C5AR2: variants seen among roughly 807,000 people sequenced by gnomAD.
C5AR2 encodes the protein C5a anaphylatoxin chemotactic receptor 2.
For missense variants in C5AR2, 458 were observed against 467.5 expected (o/e 0.98, Z 0.19); for synonymous variants, 224 against 216.5 (o/e 1.03, Z -0.30).
In C5AR2 at chr19:47,341,064, A is replaced by G. The variant is rs1969011415; in HGVS notation, c.265A>G (p.Ile89Val). Residue 89 changes from isoleucine (I) to valine (V), a missense_variant, in exon 2 of 2, where the codon ATC becomes GTC. Transcript: ENST00000595464. This position sits in a 1 kb window ranked among gnomAD's most constrained non-coding sequence, Gnocchi z 4.6. ...TTTGCTGTGCTGTTTGTCTCTGCCC[A>G]TCCTGGCAGTGCCCATTGCCCGTGG... is the stretch of plus-strand genomic sequence containing the variant. ...ADLLCCLSLP[I>V]LAVPIARGGH... 2 of 1,606,114 alleles carry G rather than the reference A, an allele frequency of 1.2e-6. No homozygotes were observed. The highest frequency in any genetic ancestry group is 1.7e-6 in the Non-Finnish European group (2 of 1,179,922).
Position 47,333,065 on chromosome 19 carries a change from T to A in C5AR2, c.-16+716T>A, listed in dbSNP as rs915395046. The stretch of plus-strand genomic sequence containing the variant: ...TGTCTCCCAGGCTGGAGTGCAGTGG[T>A]GCGATCTTGGCTCACTGCAACCTCC... On this transcript the variant is annotated intron_variant, in intron 1 of 1. Transcript: ENST00000595464. Among the ~76,000 whole-genome samples, 5 of 152,094 alleles carry A rather than the reference T, an allele frequency of 3.3e-5. 1 individual carries two copies. The highest frequency in any genetic ancestry group is 4.8e-5 in the African/African-American group (2 of 41,424).
chr19:47,340,111 T>C (rs2059376559), intron 1 of C5AR2, among the ~76,000 whole-genome samples: 1 of 151,852 alleles, frequency 6.6e-6, no homozygotes. Flanking sequence ...CGCATGACCA[T>C]GCCTGGCTAT....
At chr19:47,334,258 TAAG>T (rs1406851140) in intron 1 of C5AR2, among the ~76,000 whole-genome samples, 1 of 152,040 alleles carries the variant, frequency 6.6e-6, no homozygotes, top group African/African-American at 2.4e-5. Flanking sequence ...TATGAAATAA[TAAG>T]AAGGGTACCT....
At position 47,340,896 on chromosome 19, in the gene C5AR2, C is replaced by T. The variant is rs763959311; in HGVS notation, c.97C>T (p.Pro33Ser). 1 of 1,613,214 alleles carries T rather than the reference C, an allele frequency of 6.2e-7. No homozygotes were observed. Among genetic ancestry groups the T allele is most frequent in the East Asian group, 2.2e-5 (1 of 44,866 alleles). The stretch of plus-strand genomic sequence containing the variant: ...GGATGGCGCCTGCCTGGCCATCGAC[C>T]CGCTGCGCGTGGCCCCGCTCCCACT... The part of the protein sequence containing the change: ...CLDGACLAID[P>S]LRVAPLPLYA... The change falls in exon 2 of 2, where the codon CCG (proline) becomes TCG (serine). Residue 33 changes from proline (P) to serine (S), a missense_variant. Pro to Ser is a moderately conservative substitution (Grantham distance 74, BLOSUM62 -1). Transcript: ENST00000595464.
Position 47,341,109 on chromosome 19 carries a change from G to C in C5AR2, c.310G>C (p.Ala104Pro), listed in dbSNP as rs1361792772. The change falls in exon 2 of 2, where the codon GCA (alanine) becomes CCA (proline). Residue 104 changes from alanine (A) to proline (P), a missense_variant. Coordinates refer to ENST00000595464, the MANE Select transcript of C5AR2 (RefSeq NM_001271749.2). This position sits in a 1 kb window ranked among gnomAD's most constrained non-coding sequence, Gnocchi z 4.6. ...CCGTGGAGGCCACTGGCCGTATGGT[G>C]CAGTGGGCTGTCGGGCGCTGCCCTC... is the stretch of plus-strand genomic sequence containing the variant. Reference protein sequence around the residue: ...IARGGHWPYGAVGCRALPSII... With the variant: ...IARGGHWPYGPVGCRALPSII... 3 of 1,603,970 alleles carry C rather than the reference G, an allele frequency of 1.9e-6. No individual in the cohort carries two copies. The highest frequency in any genetic ancestry group is 2.5e-6 in the Non-Finnish European group (3 of 1,179,874).
At chr19:47,332,934 A>G (rs577030459) in intron 1 of C5AR2, among the ~76,000 whole-genome samples, 5 of 152,262 alleles carry the variant, frequency 3.3e-5, no homozygotes, top group African/African-American at 1.2e-4. Flanking sequence ...CGGCAGATCC[A>G]CCAAACTGTA....
Position 47,340,882 on chromosome 19 carries a change from G to A in C5AR2, c.83G>A (p.Cys28Tyr), listed in dbSNP as rs747497989. 2 of 1,613,414 alleles carry A rather than the reference G, an allele frequency of 1.2e-6. No individual in the cohort carries two copies. Among genetic ancestry groups the A allele is most frequent in the South Asian group, 1.1e-5 (1 of 91,086 alleles). The change falls in exon 2 of 2, where the codon TGC becomes TAC. Residue 28 changes from cysteine (C) to tyrosine (Y), a missense_variant. Physicochemically the swap from Cys to Tyr is radical, Grantham distance 194 (BLOSUM62 -2). Transcript: ENST00000595464. ...DRPVDCLDGA[C>Y]LAIDPLRVAP... The stretch of plus-strand genomic sequence containing the variant: ...CCTGTGGACTGCCTGGATGGCGCCT[G>A]CCTGGCCATCGACCCGCTGCGCGTG...
At chr19:47,335,753 CAG>C (rs1310163232) in intron 1 of C5AR2, among the ~76,000 whole-genome samples, 1 of 96,698 alleles carries the variant, frequency 1.0e-5, no homozygotes, top group Admixed American at 1.7e-4. Context: ...GCCTGGGCGA[CAG>C]AGTGATACTC....
chr19:47,336,484 CCTTCCTTTCTTTCTTT>C (rs2059358848), intron 1 of C5AR2, among the ~76,000 whole-genome samples: 2 of 27,470 alleles, frequency 7.3e-5, no homozygotes, highest in East Asian at 2.0e-3. Flanking sequence ...TTCCTTCCTT[CCTTCCTTTCTTTCTTT>C]CTTTCTTTCT....
In C5AR2 at chr19:47,345,358, C is replaced by CCT. The variant is rs1196225220; in HGVS notation, c.*3545_*3546insCT. ...GCTCAGTCAGAAAGCACTGGTATCA[C>CCT]TTTTTTTTTTTTTTTTTTTTTTTGA... is the stretch of plus-strand genomic sequence containing the variant. On this transcript the variant is annotated 3_prime_UTR_variant, in exon 2 of 2. Transcript: ENST00000595464. The CCT allele has an allele frequency of 2.3e-4, 26 of 111,088 alleles. No homozygotes were observed. The highest frequency in any genetic ancestry group is 9.7e-4 in the African/African-American group (26 of 26,792). The allele number at this position is 111,088 out of a possible 1,614,324, so 6.9% of individuals were successfully genotyped here.
intron 1 of C5AR2, among the ~76,000 whole-genome samples, chr19:47,335,467 A>C (rs529012457): frequency 2.0e-5 from 3 of 151,956 alleles, no homozygotes; most frequent in South Asian, 4.2e-4. Context: ...GGCAAATTAT[A>C]TGCACAGAAA....
At chr19:47,334,469 A>AAG (rs2059350045) in intron 1 of C5AR2, among the ~76,000 whole-genome samples, 1 of 128 alleles carries the variant, frequency 7.8e-3, no homozygotes, top group African/African-American at 0.056. Flanking sequence ...GTCCATACAG[A>AAG]AAAAAAAAAA....
chr19:47,341,864 G>C lies in C5AR2; in HGVS notation c.*51G>C. The C allele has an allele frequency of 6.5e-7, 1 of 1,538,860 alleles. No individual in the cohort carries two copies. The highest frequency in any genetic ancestry group is 8.9e-7 in the Non-Finnish European group (1 of 1,119,762). On this transcript the variant is annotated 3_prime_UTR_variant, in exon 2 of 2. Coordinates refer to ENST00000595464, the MANE Select transcript of C5AR2 (RefSeq NM_001271749.2). The surrounding 1 kb of genome is among the most constrained non-coding windows in gnomAD (Gnocchi z 4.6). Reference sequence around the variant, plus strand: ...TCTTCTTATCTCATTTCACAAGACTGGCTTCAGGCATAGCTGGATCCAGGA... The same window carrying C: ...TCTTCTTATCTCATTTCACAAGACTCGCTTCAGGCATAGCTGGATCCAGGA...
At position 47,340,977 on chromosome 19, in the gene C5AR2, G is replaced by T. The variant is rs1250570159; in HGVS notation, c.178G>T (p.Ala60Ser). ...VPGNAMVAWV[A>S]GKVARRRVGA... ...GGGCAATGCCATGGTGGCCTGGGTGGCTGGGAAGGTGGCCCGCCGGAGGGT... is the reference window on the plus strand; with the variant it reads ...GGGCAATGCCATGGTGGCCTGGGTGTCTGGGAAGGTGGCCCGCCGGAGGGT... The change falls in exon 2 of 2, where the codon GCT (alanine) becomes TCT (serine). Residue 60 changes from alanine to serine, a missense_variant. Coordinates refer to ENST00000595464, the MANE Select transcript of C5AR2 (RefSeq NM_001271749.2). The T allele has an allele frequency of 1.2e-6, 2 of 1,610,868 alleles. No homozygotes were observed. Among genetic ancestry groups the T allele is most frequent in the South Asian group, 1.1e-5 (1 of 91,076 alleles).
At position 47,342,373 on chromosome 19, in the gene C5AR2, A is replaced by AT. The variant is rs1278875649; in HGVS notation, c.*560_*561insT. On this transcript the variant is annotated 3_prime_UTR_variant, in exon 2 of 2. Transcript: ENST00000595464. ...TCCGTCTCAAAAAATAAATAAATAA[A>AT]AGATTCTATTTATTTATTTATTTTT... The AT allele has an allele frequency of 7.4e-5, 11 of 147,954 alleles. No homozygotes were observed. The highest frequency in any genetic ancestry group is 7.9e-3 in the Middle Eastern group (2 of 254). 9.2% of individuals were successfully genotyped at this position (147,954 alleles called of 1,614,324 possible).
rs756864034 is a variant in C5AR2 at position 47,341,823 on chromosome 19, A to G, written c.*10A>G. ...GGAGATGGAGGTGTAGGCTGGAGAG[A>G]CATTGTGGGTGTGTATCTTCTTATC... On this transcript the variant is annotated 3_prime_UTR_variant, in exon 2 of 2. Transcript: ENST00000595464. This position sits in a 1 kb window ranked among gnomAD's most constrained non-coding sequence, Gnocchi z 4.6. 86 of 1,610,914 alleles carry G rather than the reference A, an allele frequency of 5.3e-5. No homozygotes were observed. The Admixed American group carries it at 1.4e-3, about 27-fold the overall frequency.
Position 47,340,983 on chromosome 19 carries a change from AAGG to A in C5AR2, c.185_187del (p.Lys62_Val63delinsMet). ...TGCCATGGTGGCCTGGGTGGCTGGG[AAGG>A]TGGCCCGCCGGAGGGTGGGTGCCAC... On this transcript the variant is annotated inframe_deletion, in exon 2 of 2. Coordinates refer to ENST00000595464, the MANE Select transcript of C5AR2 (RefSeq NM_001271749.2). The A allele has an allele frequency of 6.2e-7, 1 of 1,610,584 alleles. No homozygotes were observed. The highest frequency in any genetic ancestry group is 8.5e-7 in the Non-Finnish European group (1 of 1,179,866).
In C5AR2 at chr19:47,341,910, T is replaced by C; in HGVS notation, c.*97T>C. 7 of 1,147,700 alleles carry C rather than the reference T, an allele frequency of 6.1e-6. No homozygotes were observed. The highest frequency in any genetic ancestry group is 8.8e-6 in the Non-Finnish European group (7 of 796,152). The allele number at this position is 1,147,700 out of a possible 1,614,324, so 71.1% of individuals were successfully genotyped here. On this transcript the variant is annotated 3_prime_UTR_variant, in exon 2 of 2. Coordinates refer to ENST00000595464, the MANE Select transcript of C5AR2 (RefSeq NM_001271749.2). This position sits in a 1 kb window ranked among gnomAD's most constrained non-coding sequence, Gnocchi z 4.6. ...CAGGAGCTCAATGATGTCTTCATTT[T>C]ATTCCTTCCTTCATTCAACAGATAT... is the stretch of plus-strand genomic sequence containing the variant.
In C5AR2 at chr19:47,347,257, T is replaced by G. The variant is rs1390689333; in HGVS notation, c.*5444T>G. On this transcript the variant is annotated 3_prime_UTR_variant, in exon 2 of 2. Coordinates refer to ENST00000595464, the MANE Select transcript of C5AR2 (RefSeq NM_001271749.2). ...TATGGTTGATAGACTGTGGCTTTCT[T>G]GTTGATTTCCATTTGTTGTTCATTT... The G allele has an allele frequency of 6.6e-5, 10 of 152,148 alleles. No homozygotes were observed. Among genetic ancestry groups the G allele is most frequent in the African/African-American group, 2.4e-4 (10 of 41,454 alleles). The allele number at this position is 152,148 out of a possible 1,614,324, so 9.4% of individuals were successfully genotyped here.
Sources: allele counts gnomAD v4.1 joint callset (sites outside exome capture counted in the v4.1 genomes callset), GRCh38; gene constraint gnomAD v4.1.1; non-coding constraint Gnocchi (gnomAD v3.1); transcripts MANE v1.5; gene names NCBI Gene and HGNC (gene_info 2026-07-23, HGNC 2026-07-21).